Variants in WWP2 observed in about 807,000 individuals in gnomAD.
WWP2 encodes NEDD4-like E3 ubiquitin-protein ligase WWP2.
WWP2 carries 57 observed loss-of-function variants against 121.0 expected under a neutral mutation model. The ratio of observed to expected loss-of-function variants is 0.47; its 90% CI spans 0.38 to 0.59. The LOEUF (loss-of-function observed/expected upper bound fraction) is 0.59, where lower values mean the gene tolerates loss of function less well. Ranked by LOEUF, WWP2 falls within the 20% of genes least tolerant of loss-of-function variation. The probability of loss-of-function intolerance (pLI) is 0.00; values close to 1 mark genes in which losing one functional copy is unlikely to be tolerated. For synonymous variants in WWP2, 449 were observed against 441.3 expected (o/e 1.02, Z -0.22); for missense variants, 962 against 1,158.9 (o/e 0.83, Z 2.47).
At chr16:69,824,263 G>GATTCTTGGAGT (rs1170843366) in intron 4 of WWP2, among the ~76,000 whole-genome samples, 1 of 152,158 alleles carries the variant, frequency 6.6e-6, no homozygotes, top group Non-Finnish European at 1.5e-5. Flanking sequence ...AGACTACCAG[G>GATTCTTGGAGT]ATTCTTGGAG....
At chr16:69,764,202 A>G (rs535802426) in intron 1 of WWP2, among the ~76,000 whole-genome samples, 10 of 152,232 alleles carry the variant, frequency 6.6e-5, no homozygotes, top group African/African-American at 2.4e-4. Flanking sequence ...AGAAAATTTT[A>G]TTTTTATTTT....
At position 69,929,490 on chromosome 16, in the gene WWP2, A is replaced by G. The variant is rs527319187; in HGVS notation, c.1277A>G (p.Asn426Ser). The G allele has an allele frequency of 8.7e-6, 14 of 1,614,050 alleles. No individual in the cohort carries two copies. Among genetic ancestry groups the G allele is most frequent in the South Asian group, 3.3e-5 (3 of 91,068 alleles). Residue 426 changes from asparagine (N) to serine (S), a missense_variant, in exon 12 of 24, where the codon AAC becomes AGC. Around this residue, in one of 3 missense-constraint regions of WWP2, gnomAD observed 606 missense variants for 772.6 expected, o/e 0.78. Transcript: ENST00000359154. ...DNGRVYYVNH[N>S]TRTTQWEDPR... ...GGACGGGTGTATTACGTGAACCATA[A>G]CACTCGCACGACCCAGTGGGAGGAT... is the stretch of plus-strand genomic sequence containing the variant.
intron 16 of WWP2, among the ~76,000 whole-genome samples, chr16:69,932,403 T>G (rs2058730816): frequency 6.6e-6 from 1 of 152,244 alleles, no homozygotes; most frequent in African/African-American, 2.4e-5. Context: ...AACAGGGGCC[T>G]GGGGTGCCCC....
At chr16:69,820,649 C>T (rs1195313006) in intron 4 of WWP2, among the ~76,000 whole-genome samples, 1 of 131,968 alleles carries the variant, frequency 7.6e-6, no homozygotes, top group Non-Finnish European at 1.7e-5. Flanking sequence ...TTCCCTGTTT[C>T]TCTTCTCTGC....
chr16:69,773,297 G>GCCT (rs2055458233), intron 1 of WWP2, among the ~76,000 whole-genome samples: 1 of 151,618 alleles, frequency 6.6e-6, no homozygotes, highest in Non-Finnish European at 1.5e-5. Flanking sequence ...TCCTGCCTCA[G>GCCT]CCTCCCAAGT....
chr16:69,931,066 C>A, intron 13 of WWP2, 86 bp from the exon 14 acceptor site: 2 of 1,279,828 alleles, frequency 1.6e-6, no homozygotes, highest in Non-Finnish European at 2.3e-6. Flanking sequence ...ATTAACATAG[C>A]ACCAGCTTTC....
intron 4 of WWP2, among the ~76,000 whole-genome samples, chr16:69,815,213 G>A (rs1013574251): frequency 6.6e-6 from 1 of 152,064 alleles, no homozygotes; most frequent in Admixed American, 6.6e-5. Flanking sequence ...ATGTTGGCCA[G>A]GCTAGTCTCA....
intron 8 of WWP2, among the ~76,000 whole-genome samples, chr16:69,896,230 T>C (rs2058102198): frequency 6.6e-6 from 1 of 152,208 alleles, no homozygotes; most frequent in Non-Finnish European, 1.5e-5. Context: ...CAAGCAGTTC[T>C]CCTGCCTCAG....
rs2055668825 is a variant in WWP2, at chr16:69,781,738, GA to G, written c.-15-5254del. Among the ~76,000 whole-genome samples the G allele has an allele frequency of 3.9e-5, 6 of 152,218 alleles. No homozygotes were observed. The South Asian group carries it at 1.2e-3, about 32-fold the overall frequency. On this transcript the variant is annotated intron_variant, in intron 1 of 23. Coordinates refer to ENST00000359154, the MANE Select transcript of WWP2 (RefSeq NM_001270454.2). ...ATAAAGAGACTAGGTAATTTATAAA[GA>G]AAAGAGATTTATTCTTTGTATTTGA...
intron 4 of WWP2, among the ~76,000 whole-genome samples, chr16:69,813,053 A>C (rs1201381833): frequency 6.6e-6 from 1 of 152,032 alleles, no homozygotes; most frequent in Non-Finnish European, 1.5e-5. Context: ...ATAGTACTGC[A>C]AAGAAGGGCT....
chr16:69,876,352 G>A (rs1318451177), intron 7 of WWP2, among the ~76,000 whole-genome samples: 2 of 146,104 alleles, frequency 1.4e-5, no homozygotes, highest in African/African-American at 5.3e-5. Flanking sequence ...ATGTTTTTTG[G>A]GGTTTTTTTT....
intron 6 of WWP2, among the ~76,000 whole-genome samples, chr16:69,867,200 T>C (rs1338994643): frequency 1.3e-5 from 2 of 151,572 alleles, no homozygotes; most frequent in Non-Finnish European, 1.5e-5. Flanking sequence ...TTACTCCACA[T>C]GATCTGTTGC....
At chr16:69,840,452 A>G (rs2056957309) in intron 5 of WWP2, among the ~76,000 whole-genome samples, 189 bp downstream of exon 5, 1 of 152,242 alleles carries the variant, frequency 6.6e-6, no homozygotes, top group Non-Finnish European at 1.5e-5. Context: ...CAAGGGTCAC[A>G]GTAAATGTCC....
intron 6 of WWP2, among the ~76,000 whole-genome samples, chr16:69,858,556 A>G (rs1015217385): frequency 6.6e-6 from 1 of 151,952 alleles, no homozygotes; most frequent in Admixed American, 6.6e-5. Flanking sequence ...GTGAACCACC[A>G]AGAGTGTGCT....
intron 8 of WWP2, among the ~76,000 whole-genome samples, chr16:69,907,677 G>A (rs1020931067): frequency 6.6e-6 from 1 of 152,148 alleles, no homozygotes; most frequent in Non-Finnish European, 1.5e-5. Context: ...GCTGTATTTT[G>A]TACTGATCGG....
chr16:69,872,191 T>C (rs1236570926), intron 7 of WWP2, among the ~76,000 whole-genome samples: 1 of 152,214 alleles, frequency 6.6e-6, no homozygotes, highest in African/African-American at 2.4e-5. Context: ...AAAAGTCTTG[T>C]CTTTCTATAA....
rs935429444 is a variant in WWP2 at position 69,917,597 on chromosome 16, C to T, written c.1005-112C>T. On this transcript the variant is annotated intron_variant, in intron 9 of 23. Coordinates refer to ENST00000359154, the MANE Select transcript of WWP2 (RefSeq NM_001270454.2). ...TCTGCTATAATCAGCTAAGCCCCAG[C>T]AACCTCTGTGACAGGGCCTGCCCGG... The T allele has an allele frequency of 4.6e-6, 6 of 1,313,366 alleles. No individual in the cohort carries two copies. The Admixed American group carries it at 1.1e-4, about 25-fold the overall frequency. The allele number at this position is 1,313,366 out of a possible 1,614,324, so 81.4% of individuals were successfully genotyped here.
At chr16:69,848,123 G>A (rs1398970024) in intron 6 of WWP2, among the ~76,000 whole-genome samples, 2 of 152,176 alleles carry the variant, frequency 1.3e-5, no homozygotes, top group African/African-American at 4.8e-5. Flanking sequence ...TTCATTAATA[G>A]GGATTAACAT....
intron 4 of WWP2, among the ~76,000 whole-genome samples, chr16:69,836,033 G>A (rs1043445223): frequency 6.6e-6 from 1 of 151,986 alleles, no homozygotes; most frequent in African/African-American, 2.4e-5. Context: ...GAACTCCTGG[G>A]CTCAGGTGAT....
Sources: allele counts gnomAD v4.1 joint callset (sites outside exome capture counted in the v4.1 genomes callset), GRCh38; gene constraint gnomAD v4.1.1; regional missense constraint gnomAD v4.1.1; transcripts MANE v1.5; gene names NCBI Gene and HGNC (gene_info 2026-07-23, HGNC 2026-07-21).